Variants in DDX27 observed in about 807,000 individuals in gnomAD.
The protein encoded by DDX27 is DEAD-box helicase 27.
In DDX27, 42 loss-of-function variants were observed where a neutral mutation model predicts 99.3. That is an observed-to-expected ratio of 0.42 (90% CI 0.33 to 0.55). The LOEUF (loss-of-function observed/expected upper bound fraction) is 0.55, where lower values mean the gene tolerates loss of function less well. Among genes scored for constraint, DDX27 ranks in the 20% least tolerant of loss-of-function variants. The probability of loss-of-function intolerance (pLI) is 0.07; values close to 1 mark genes in which losing one functional copy is unlikely to be tolerated. For missense variants in DDX27, 798 were observed against 976.8 expected (o/e 0.82, Z 2.44); for synonymous variants, 329 against 353.8 (o/e 0.93, Z 0.79).
At position 49,243,902 on chromosome 20, in the gene DDX27, C is replaced by T; in HGVS notation, c.*68C>T. The T allele has an allele frequency of 6.4e-7, 1 of 1,574,036 alleles. No homozygotes were observed. Among genetic ancestry groups the T allele is most frequent in the Non-Finnish European group, 8.7e-7 (1 of 1,150,730 alleles). On this transcript the variant is annotated 3_prime_UTR_variant, in exon 21 of 21. Coordinates refer to ENST00000618172, the MANE Select transcript of DDX27 (RefSeq NM_017895.8). ...CCTTCCCTGTGGGAAGTCATCCTGGCTGGTCTGTCTTTTCTCCATTTGTTT... is the reference window on the plus strand; with the variant it reads ...CCTTCCCTGTGGGAAGTCATCCTGGTTGGTCTGTCTTTTCTCCATTTGTTT...
intron 19 of DDX27, 36 bp downstream of exon 19, chr20:49,242,717 CTTTT>C (rs71186444): frequency 3.2e-4 from 455 of 1,418,856 alleles, no homozygotes; most frequent in East Asian, 9.5e-4. Context: ...CCTTGGTATT[CTTTT>C]TTTTTTTTTT....
chr20:49,221,709 C>T, intron 2 of DDX27, 111 bp downstream of exon 2: 1 of 856,726 alleles, frequency 1.2e-6, no homozygotes, highest in Non-Finnish European at 1.7e-6. Flanking sequence ...TCAGCAGATA[C>T]TACAACTCCT....
chr20:49,239,634 G>C (rs1980412401), intron 16 of DDX27, among the ~76,000 whole-genome samples: 1 of 152,132 alleles, frequency 6.6e-6, no homozygotes, highest in African/African-American at 2.4e-5. Flanking sequence ...GCAATGCTTG[G>C]TTGCCCAATG....
chr20:49,220,458 G>T lies in DDX27; in HGVS notation c.93+917G>T, dbSNP rs531925593. ...CCAGTGTATTCTTCGCTTAGCAGCAGAGGGATCTCTGCGATACAGTCACGT... is the reference window on the plus strand; with the variant it reads ...CCAGTGTATTCTTCGCTTAGCAGCATAGGGATCTCTGCGATACAGTCACGT... On this transcript the variant is annotated intron_variant, in intron 1 of 20. Coordinates refer to ENST00000618172, the MANE Select transcript of DDX27 (RefSeq NM_017895.8). Among the ~76,000 whole-genome samples, 16 of 152,348 alleles carry T rather than the reference G, an allele frequency of 1.1e-4. 1 individual carries two copies. Among genetic ancestry groups the T allele is most frequent in the African/African-American group, 3.4e-4 (14 of 41,576 alleles).
intron 4 of DDX27, among the ~76,000 whole-genome samples, chr20:49,224,420 T>C (rs1979803390): frequency 6.8e-6 from 1 of 147,336 alleles, no homozygotes; most frequent in Non-Finnish European, 1.5e-5. Flanking sequence ...GGAGTGCAAG[T>C]GGTACAATTT....
intron 16 of DDX27, chr20:49,241,691 A>G (rs1980480547): frequency 8.1e-6 from 5 of 619,824 alleles, no homozygotes; most frequent in Non-Finnish European, 1.2e-5. Flanking sequence ...CTGATCCCAA[A>G]CTCCTGACCT....
chr20:49,228,231 C>G (rs1368786863), intron 7 of DDX27, among the ~76,000 whole-genome samples: 1 of 151,428 alleles, frequency 6.6e-6, no homozygotes, highest in African/African-American at 2.4e-5. Flanking sequence ...CAACCTCTGC[C>G]TTCAAGTGAA....
intron 12 of DDX27, 36 bp downstream of exon 12, chr20:49,235,124 C>A: frequency 1.3e-6 from 2 of 1,551,534 alleles, no homozygotes; most frequent in East Asian, 2.3e-5. Context: ...CTCCCACCAT[C>A]CTTCTGGGGC....
At chr20:49,220,810 T>C (rs1979635956) in intron 1 of DDX27, among the ~76,000 whole-genome samples, 1 of 151,262 alleles carries the variant, frequency 6.6e-6, no homozygotes, top group African/African-American at 2.4e-5. Context: ...TTTCAAGAAA[T>C]GATTCAAATT....
Position 49,236,297 on chromosome 20 carries a change from C to T in DDX27, c.1510-36C>T, listed in dbSNP as rs370439178. 2 of 1,567,824 alleles carry T rather than the reference C, an allele frequency of 1.3e-6. No homozygotes were observed. Among genetic ancestry groups the T allele is most frequent in the African/African-American group, 1.4e-5 (1 of 73,568 alleles). On this transcript the variant is annotated intron_variant, in intron 13 of 20. Coordinates refer to ENST00000618172, the MANE Select transcript of DDX27 (RefSeq NM_017895.8). The surrounding 1 kb of genome is among the most constrained non-coding windows in gnomAD (Gnocchi z 4.1). ...TTTTTGCCTCTTCGCACCCCCCTTC[C>T]CTTGCCAGGCCTGACGTTCATTTTT... is the stretch of plus-strand genomic sequence containing the variant.
intron 19 of DDX27, 36 bp downstream of exon 19, chr20:49,242,717 C>CTT (rs71186444): frequency 6.3e-4 from 899 of 1,418,238 alleles, no homozygotes; most frequent in African/African-American, 2.0e-3. Context: ...CCTTGGTATT[C>CTT]TTTTTTTTTT....
chr20:49,219,975 G>A (rs1461734008), intron 1 of DDX27, among the ~76,000 whole-genome samples: 3 of 152,170 alleles, frequency 2.0e-5, no homozygotes, highest in African/African-American at 7.2e-5. Context: ...AATGAACAAG[G>A]TGAGTGCCAC....
chr20:49,224,580 C>T (rs1452834519), intron 4 of DDX27, among the ~76,000 whole-genome samples: 3 of 152,112 alleles, frequency 2.0e-5, no homozygotes. Flanking sequence ...ACAGGCTGGT[C>T]CCGAACTCCT....
At chr20:49,242,786 A>T in intron 19 of DDX27, 105 bp downstream of exon 19, 2 of 1,093,050 alleles carry the variant, frequency 1.8e-6, no homozygotes, top group Non-Finnish European at 2.7e-6. Context: ...GCAGTGGTGC[A>T]TCTTAGCTCA....
In DDX27 at chr20:49,239,355, C is replaced by G; in HGVS notation, c.1897+17C>G. ...AGGAGAAAAGTAAGTCAGGGAGGTT[C>G]CGCAGAAATCTAAATACAGAATTAC... is the stretch of plus-strand genomic sequence containing the variant. On this transcript the variant is annotated intron_variant, in intron 16 of 20. Transcript: ENST00000618172. 2 of 1,577,554 alleles carry G rather than the reference C, an allele frequency of 1.3e-6. No homozygotes were observed. Among genetic ancestry groups the G allele is most frequent in the Non-Finnish European group, 1.7e-6 (2 of 1,152,672 alleles).
chr20:49,232,538 C>T (rs1283479629), intron 9 of DDX27, among the ~76,000 whole-genome samples: 2 of 151,774 alleles, frequency 1.3e-5, no homozygotes, highest in East Asian at 1.9e-4. Context: ...CCAAGGCAGG[C>T]GGATCATGAG....
intron 2 of DDX27, 66 bp from the exon 3 acceptor site, chr20:49,222,891 G>C (rs1979740479): frequency 1.5e-6 from 2 of 1,370,238 alleles, no homozygotes; most frequent in African/African-American, 1.5e-5. Flanking sequence ...TAATTATGAA[G>C]AGTTTGTTCT....
Position 49,243,670 on chromosome 20 carries a change from A to G in DDX27, c.2246A>G (p.Gln749Arg), listed in dbSNP as rs755683011. Residue 749 changes from glutamine to arginine, a missense_variant, in exon 20 of 21, where the codon CAG becomes CGG. Coordinates refer to ENST00000618172, the MANE Select transcript of DDX27 (RefSeq NM_017895.8). ...EERKQLGLPH[Q>R]RRGGNFKSKS... ...AGGAAACAGTTGGGCTTGCCCCACCAGAGACGAGGAGGAAACTTTAAATCT... is the reference window on the plus strand; with the variant it reads ...AGGAAACAGTTGGGCTTGCCCCACCGGAGACGAGGAGGAAACTTTAAATCT... 7.4e-6 allele frequency: 12 copies of G among 1,614,126 alleles called. No homozygotes were observed. The highest frequency in any genetic ancestry group is 2.2e-5 in the East Asian group (1 of 44,896).
At chr20:49,231,967 C>T (rs1390130381) in intron 9 of DDX27, among the ~76,000 whole-genome samples, 3 of 151,206 alleles carry the variant, frequency 2.0e-5, no homozygotes, top group African/African-American at 7.3e-5. Flanking sequence ...TCATTGCAGC[C>T]TCTACTTCCT....
Sources: allele counts gnomAD v4.1 joint callset (sites outside exome capture counted in the v4.1 genomes callset), GRCh38; gene constraint gnomAD v4.1.1; non-coding constraint Gnocchi (gnomAD v3.1); transcripts MANE v1.5; gene names NCBI Gene and HGNC (gene_info 2026-07-23, HGNC 2026-07-21).